Variants in BUB1B observed in about 807,000 individuals in gnomAD.
BUB1B encodes the protein mitotic checkpoint serine/threonine-protein kinase BUB1 beta.
A neutral mutation model predicts 137.7 loss-of-function variants in BUB1B; 86 were observed. The ratio of observed to expected loss-of-function variants is 0.62; its 90% CI spans 0.52 to 0.75. The LOEUF is 0.75. Ranked by LOEUF, BUB1B falls within the 30% of genes least tolerant of loss-of-function variation. The pLI is 0.00. For missense variants in BUB1B, 1,130 were observed against 1,236.9 expected (o/e 0.91, Z 1.30); for synonymous variants, 420 against 417.9 (o/e 1.00, Z -0.06).
In BUB1B at chr15:40,211,426, C is replaced by T. The variant is rs556675565; in HGVS notation, c.2386-1073C>T. Among the ~76,000 whole-genome samples, 5 of 152,080 alleles carry T rather than the reference C, an allele frequency of 3.3e-5. No homozygotes were observed. In the South Asian group the frequency reaches 1.0e-3, roughly 32 times the overall value. ...TCAATGTAGGATGATCTAGTTTGGC[C>T]ATTTTATTGGAAAACCCTCCAATCT... On this transcript the variant is annotated intron_variant, in intron 18 of 22. Transcript: ENST00000287598.
At chr15:40,166,979 G>A (rs1436537985) in intron 2 of BUB1B, among the ~76,000 whole-genome samples, 3 of 152,062 alleles carry the variant, frequency 2.0e-5, no homozygotes, top group African/African-American at 7.2e-5. Flanking sequence ...AAATTGTGTT[G>A]TAGGGGTTCT....
At position 40,209,671 on chromosome 15, in the gene BUB1B, G is replaced by A. The variant is rs1438391058; in HGVS notation, c.2180G>A (p.Arg727His). The change falls in exon 17 of 23, where the codon CGC becomes CAC. Residue 727 changes from arginine to histidine, a missense_variant. Physicochemically the swap from Arg to His is conservative, Grantham distance 29. Coordinates refer to ENST00000287598, the MANE Select transcript of BUB1B (RefSeq NM_001211.6). The stretch of plus-strand genomic sequence containing the variant: ...CAGTCACCATGGTGTTCACAGTATC[G>A]CAGACAGCTACTGAAGTCCCTACCA... ...PTQSPWCSQYRRQLLKSLPEL... is the reference protein window; with the variant it reads ...PTQSPWCSQYHRQLLKSLPEL... 6.8e-6 allele frequency: 11 copies of A among 1,613,904 alleles called. No homozygotes were observed. In the Middle Eastern group the frequency reaches 5.0e-4, roughly 73 times the overall value.
At chr15:40,171,409 G>A (rs776334782) in intron 4 of BUB1B, among the ~76,000 whole-genome samples, 1 of 151,938 alleles carries the variant, frequency 6.6e-6, no homozygotes, top group African/African-American at 2.4e-5. Flanking sequence ...AACCAGGTGT[G>A]GTGGCACAGC....
At chr15:40,185,501 G>A (rs1437189633) in intron 7 of BUB1B, 50 bp from the exon 8 acceptor site, 1 of 1,597,160 alleles carries the variant, frequency 6.3e-7, no homozygotes, top group South Asian at 1.1e-5. Context: ...TATATATGCT[G>A]TCTGAGAACA....
intron 8 of BUB1B, among the ~76,000 whole-genome samples, chr15:40,188,540 A>G (rs1363174343): frequency 6.7e-6 from 1 of 150,180 alleles, no homozygotes; most frequent in African/African-American, 2.5e-5. Context: ...TGTAGCAGTA[A>G]CCATTATGCT....
chr15:40,167,296 T>A (rs921112751), intron 2 of BUB1B, among the ~76,000 whole-genome samples: 3 of 150,818 alleles, frequency 2.0e-5, no homozygotes, highest in Middle Eastern at 3.4e-3. Context: ...TACCCCAAAG[T>A]GACAAAGTTA....
At chr15:40,183,913 CTGTT>C in intron 6 of BUB1B, 30 bp downstream of exon 6, 1 of 1,607,736 alleles carries the variant, frequency 6.2e-7, no homozygotes. Context: ...TTTCGGAAAA[CTGTT>C]AGTTTCTAGT....
chr15:40,183,741 A>T lies in BUB1B; in HGVS notation c.609A>T (p.Gln203His). The change falls in exon 6 of 23, where the codon CAA (glutamine) becomes CAT (histidine). Residue 203 changes from glutamine (Q) to histidine (H), a missense_variant. Physicochemically the swap from Gln to His is conservative, Grantham distance 24 (BLOSUM62 0). Coordinates refer to ENST00000287598, the MANE Select transcript of BUB1B (RefSeq NM_001211.6). The stretch of plus-strand genomic sequence containing the variant: ...AATTCCAAGCTCGAGTGTCTCGGCA[A>T]ACTCTGTTGGCACTTGAGAAAGAAG... ...HRQFQARVSR[Q>H]TLLALEKEEE... 6.2e-7 allele frequency: 1 copy of T among 1,614,134 alleles called. No individual in the cohort carries two copies. The highest frequency in any genetic ancestry group is 8.5e-7 in the Non-Finnish European group (1 of 1,179,984).
At chr15:40,202,560 A>T in intron 13 of BUB1B, 29 bp from the exon 14 acceptor site, 1 of 1,607,708 alleles carries the variant, frequency 6.2e-7, no homozygotes. Flanking sequence ...TATGAAAAAA[A>T]TTGCTAAGTG....
chr15:40,204,339 C>T (rs2037610656), intron 14 of BUB1B, among the ~76,000 whole-genome samples: 1 of 151,874 alleles, frequency 6.6e-6, no homozygotes, highest in Non-Finnish European at 1.5e-5. Flanking sequence ...TGGAGTAAAC[C>T]ACCAGAGAAC....
intron 8 of BUB1B, among the ~76,000 whole-genome samples, chr15:40,190,888 AT>A (rs1399316223): frequency 3.3e-3 from 465 of 141,102 alleles, no homozygotes; most frequent in East Asian, 3.7e-3. Flanking sequence ...ACGCCTTGTA[AT>A]TTTTTTTTTT....
chr15:40,206,159 A>G (rs1372137222), intron 14 of BUB1B, 25 bp from the exon 15 acceptor site: 1 of 1,613,414 alleles, frequency 6.2e-7, no homozygotes, highest in Non-Finnish European at 8.5e-7. Flanking sequence ...TATTTTAGCT[A>G]AACTTTATAT....
intron 8 of BUB1B, 33 bp from the exon 9 acceptor site, chr15:40,196,512 C>G: frequency 6.6e-7 from 1 of 1,524,670 alleles, no homozygotes; most frequent in Non-Finnish European, 9.1e-7. Context: ...TTTATTTTGA[C>G]CCATATGAAT....
chr15:40,206,345 T>C lies in BUB1B; in HGVS notation c.1896T>C (p.Pro632=), dbSNP rs2037636365. 1 of 1,614,202 alleles carries C rather than the reference T, an allele frequency of 6.2e-7. No individual in the cohort carries two copies. The highest frequency in any genetic ancestry group is 8.5e-7 in the Non-Finnish European group (1 of 1,180,038). The change falls in exon 15 of 23, where the codon CCT becomes CCC. Residue 632 remains proline (P), a synonymous_variant. Coordinates refer to ENST00000287598, the MANE Select transcript of BUB1B (RefSeq NM_001211.6). The part of the protein sequence containing the change: ...FHEIMSLKDL[P]SDPERLLPEE... ...AGATAATGTCCTTGAAGGATCTCCC[T>C]TCTGATCCTGAGAGACTGTTACCGG...
chr15:40,179,782 G>A (rs144975742), intron 5 of BUB1B, among the ~76,000 whole-genome samples: 13 of 151,662 alleles, frequency 8.6e-5, no homozygotes, highest in African/African-American at 2.9e-4. Context: ...GTTGCTATAA[G>A]GTATATAATA....
chr15:40,195,146 C>T (rs1170756147), intron 8 of BUB1B, among the ~76,000 whole-genome samples: 9 of 151,848 alleles, frequency 5.9e-5, no homozygotes, highest in Non-Finnish European at 1.2e-4. Flanking sequence ...CCCATCCTTT[C>T]CCCCAAATCC....
At chr15:40,167,029 G>T (rs925717082) in intron 2 of BUB1B, among the ~76,000 whole-genome samples, 7 of 151,988 alleles carry the variant, frequency 4.6e-5, no homozygotes, top group African/African-American at 1.7e-4. Flanking sequence ...AAGTTTCCCT[G>T]ATTCAAGTTT....
chr15:40,197,956 A>G (rs1358296118), intron 9 of BUB1B, among the ~76,000 whole-genome samples: 3 of 152,172 alleles, frequency 2.0e-5, no homozygotes, highest in Non-Finnish European at 4.4e-5. Flanking sequence ...ATCTAGATAA[A>G]AACTGTTTCC....
chr15:40,205,716 T>G (rs796987618), intron 14 of BUB1B, among the ~76,000 whole-genome samples: 21 of 152,352 alleles, frequency 1.4e-4, no homozygotes, highest in African/African-American at 5.0e-4. Context: ...CAGAGTATCA[T>G]GAATGCTACA....
Sources: allele counts gnomAD v4.1 joint callset (sites outside exome capture counted in the v4.1 genomes callset), GRCh38; gene constraint gnomAD v4.1.1; transcripts MANE v1.5; gene names NCBI Gene and HGNC (gene_info 2026-07-23, HGNC 2026-07-21).